The following CNOT9 variants were observed in gnomAD, a reference collection of about 807,000 sequenced individuals.
CNOT9 encodes the protein CCR4-NOT transcription complex subunit 9, also known as RCD1 required for cell differentiation1 homolog.
Under a neutral mutation model 37.4 loss-of-function variants are expected in CNOT9, and 8 were observed. The ratio of observed to expected loss-of-function variants is 0.21; its 90% CI spans 0.13 to 0.39. CNOT9 has a LOEUF of 0.39. CNOT9 is among the 10% of genes least tolerant of loss of function. The probability of loss-of-function intolerance (pLI) is 1.00; values close to 1 mark genes in which losing one functional copy is unlikely to be tolerated. For missense variants in CNOT9, 154 were observed against 365.3 expected (o/e 0.42, Z 4.71); for synonymous variants, 120 against 137.6 (o/e 0.87, Z 0.90).
At chr2:218,577,800 T>A (rs1197726810) in intron 1 of CNOT9, among the ~76,000 whole-genome samples, 1 of 152,066 alleles carries the variant, frequency 6.6e-6, no homozygotes, top group Non-Finnish European at 1.5e-5. Context: ...ATGACAAGAC[T>A]TTGGGGAAGG....
intron 2 of CNOT9, 111 bp from the exon 3 acceptor site, chr2:218,582,860 T>C (rs1221263355): frequency 3.1e-6 from 2 of 641,686 alleles, no homozygotes; most frequent in African/African-American, 3.7e-5. Context: ...TCTTAAAAGA[T>C]GCACAGAATT....
intron 5 of CNOT9, among the ~76,000 whole-genome samples, chr2:218,591,973 G>A (rs1694792476): frequency 6.6e-6 from 1 of 152,068 alleles, no homozygotes; most frequent in Admixed American, 6.6e-5. Context: ...TAAATGAGAA[G>A]GTCTCTGAGT....
At chr2:218,574,646 T>G (rs1463715963) in intron 1 of CNOT9, among the ~76,000 whole-genome samples, 1 of 152,216 alleles carries the variant, frequency 6.6e-6, no homozygotes, top group Non-Finnish European at 1.5e-5. Flanking sequence ...CTGTTTCCTC[T>G]TAGAATTTTG....
intron 1 of CNOT9, among the ~76,000 whole-genome samples, chr2:218,576,705 T>C (rs647990): frequency 0.66 from 100,831 of 152,100 alleles, 33,885 homozygotes; most frequent in East Asian, 0.9. Context: ...CAGTCGCTTA[T>C]ACCTGCAATT....
At chr2:218,575,418 C>T (rs1410000654) in intron 1 of CNOT9, among the ~76,000 whole-genome samples, 3 of 124,974 alleles carry the variant, frequency 2.4e-5, no homozygotes, top group African/African-American at 8.9e-5. Context: ...ATGAGTCTTG[C>T]TCTGTAGCTC....
At chr2:218,583,683 T>C (rs1694493164) in intron 3 of CNOT9, among the ~76,000 whole-genome samples, 1 of 152,236 alleles carries the variant, frequency 6.6e-6, no homozygotes, top group Non-Finnish European at 1.5e-5. Flanking sequence ...ATTAAAGCCT[T>C]TCCTCTTTGT....
chr2:218,577,805 G>A (rs1490309460), intron 1 of CNOT9, among the ~76,000 whole-genome samples: 1 of 152,190 alleles, frequency 6.6e-6, no homozygotes, highest in African/African-American at 2.4e-5. Flanking sequence ...AAGACTTTGG[G>A]GAAGGTCAGC....
intron 5 of CNOT9, among the ~76,000 whole-genome samples, chr2:218,591,750 A>T (rs983949259): frequency 6.6e-6 from 1 of 152,074 alleles, no homozygotes; most frequent in Admixed American, 6.5e-5. Flanking sequence ...CTAAAAAAAA[A>T]AAAAGAAAAG....
Position 218,592,842 on chromosome 2 carries a change from C to T in CNOT9, c.731+135C>T, listed in dbSNP as rs1052797372. On this transcript the variant is annotated intron_variant, in intron 7 of 7. Coordinates refer to ENST00000273064, the MANE Select transcript of CNOT9 (RefSeq NM_005444.3). The surrounding 1 kb of genome is among the most constrained non-coding windows in gnomAD (Gnocchi z 4.1). ...TGCATTTAGTTTGTCTGAGACAGAACTTAGATTCTTTTAAAAATCTGAAAT... is the reference window on the plus strand; with the variant it reads ...TGCATTTAGTTTGTCTGAGACAGAATTTAGATTCTTTTAAAAATCTGAAAT... 1 of 679,058 alleles carries T rather than the reference C, an allele frequency of 1.5e-6. No homozygotes were observed. 42.1% of individuals were successfully genotyped at this position (679,058 alleles called of 1,614,324 possible). A position where few individuals can be genotyped will look rare whatever the true frequency, so the allele number is the denominator to read the frequency against.
At chr2:218,573,996 A>C (rs183938220) in intron 1 of CNOT9, 1 of 431,982 alleles carries the variant, frequency 2.3e-6, no homozygotes, top group African/African-American at 2.1e-5. Flanking sequence ...TTGAGACAGG[A>C]TCTCGCTTTG....
rs1694888952 is a variant in CNOT9, at chr2:218,594,918, A to G, written c.*642A>G. 1 of 152,224 alleles carries G rather than the reference A, an allele frequency of 6.6e-6. No individual in the cohort carries two copies. Among genetic ancestry groups the G allele is most frequent in the Admixed American group, 6.5e-5 (1 of 15,284 alleles). The allele number at this position is 152,224 out of a possible 1,614,324, so 9.4% of individuals were successfully genotyped here. On this transcript the variant is annotated 3_prime_UTR_variant, in exon 8 of 8. Transcript: ENST00000273064. ...CTCTGGCAGGCCAATAGCTGCATCA[A>G]GCTGTTGGGAGAAATGGGAGGGCAG...
intron 7 of CNOT9, among the ~76,000 whole-genome samples, chr2:218,593,319 A>T (rs1243832451): frequency 1.3e-5 from 2 of 152,168 alleles, no homozygotes; most frequent in African/African-American, 4.8e-5. Flanking sequence ...ATTTGATTTA[A>T]TGTGAACTCA....
chr2:218,571,973 C>T (rs1469861734), intron 1 of CNOT9, among the ~76,000 whole-genome samples: 1 of 151,906 alleles, frequency 6.6e-6, no homozygotes, highest in Non-Finnish European at 1.5e-5. Flanking sequence ...TTTCTCTCCT[C>T]TAATAAATAA....
intron 1 of CNOT9, among the ~76,000 whole-genome samples, chr2:218,571,402 G>C (rs1359418738): frequency 6.6e-6 from 1 of 152,100 alleles, no homozygotes; most frequent in Non-Finnish European, 1.5e-5. Flanking sequence ...ACTCCAGCTT[G>C]AGCAACATAG....
At chr2:218,572,735 T>C (rs1367337699) in intron 1 of CNOT9, 1 of 980,008 alleles carries the variant, frequency 1.0e-6, no homozygotes, top group Admixed American at 6.2e-5. Flanking sequence ...TGTGTTTTTG[T>C]TTTGTTTTGT....
chr2:218,594,380 CAATGCTGAACCGCACTGGAGAAAAGG>C lies in CNOT9; in HGVS notation c.*105_*130del. 4.8e-6 allele frequency: 6 copies of C among 1,257,868 alleles called. No individual in the cohort carries two copies. The highest frequency in any genetic ancestry group is 6.6e-6 in the Non-Finnish European group (6 of 906,924). 77.9% of individuals were successfully genotyped at this position (1,257,868 alleles called of 1,614,324 possible). ...ATCACCGACTGGGAATAGACAACCTCAATGCTGAACCGCACTGGAGAAAAGGGGCAAGGTACCCCTGCTGAGGTGTA... is the reference window on the plus strand; with the variant it reads ...ATCACCGACTGGGAATAGACAACCTCGGCAAGGTACCCCTGCTGAGGTGTA... On this transcript the variant is annotated 3_prime_UTR_variant, in exon 8 of 8. Transcript: ENST00000273064.
At position 218,594,283 on chromosome 2, in the gene CNOT9, C is replaced by T; in HGVS notation, c.*7C>T. On this transcript the variant is annotated 3_prime_UTR_variant, in exon 8 of 8. Transcript: ENST00000273064. ...CCCCCTGCCCCCTCAGTGATCCTTCCCTGTTCCCTCCCACTACTCCCCCAA... is the reference window on the plus strand; with the variant it reads ...CCCCCTGCCCCCTCAGTGATCCTTCTCTGTTCCCTCCCACTACTCCCCCAA... 1.3e-6 allele frequency: 2 copies of T among 1,599,062 alleles called. No individual in the cohort carries two copies. The highest frequency in any genetic ancestry group is 1.7e-6 in the Non-Finnish European group (2 of 1,172,158).
At chr2:218,584,184 A>G (rs1057354160) in intron 3 of CNOT9, among the ~76,000 whole-genome samples, 6 of 152,228 alleles carry the variant, frequency 3.9e-5, no homozygotes, top group African/African-American at 1.4e-4. Flanking sequence ...TGCTGATTAC[A>G]GGGAAAATCA....
At position 218,568,958 on chromosome 2, in the gene CNOT9, C is replaced by T. The variant is rs955622194; in HGVS notation, c.4C>T (p.His2Tyr). Residue 2 changes from histidine to tyrosine, a missense_variant, in exon 1 of 8, where the codon CAC (histidine) becomes TAC (tyrosine). By Grantham distance (83) the His-to-Tyr change is moderately conservative (BLOSUM62 2). Transcript: ENST00000273064. ...GAGAGCGGCGGCCGCTCACAACATG[C>T]ACAGCCTGGCGACGGCTGCGGTGAG... is the stretch of plus-strand genomic sequence containing the variant. M[H>Y]SLATAAPVPT... The T allele has an allele frequency of 6.2e-7, 1 of 1,610,354 alleles. No homozygotes were observed. The highest frequency in any genetic ancestry group is 1.3e-5 in the African/African-American group (1 of 74,924).
Sources: gnomAD v4.1 joint callset for allele counts (sites outside exome capture counted in the v4.1 genomes callset) on GRCh38, gnomAD v4.1.1 for gene constraint, Gnocchi (gnomAD v3.1) non-coding constraint, MANE v1.5 for transcripts, NCBI Gene and HGNC (gene_info 2026-07-23, HGNC 2026-07-21) for gene names.